Variants in SNRPA1 observed in about 807,000 individuals in gnomAD.
The protein encoded by SNRPA1 is U2 small nuclear ribonucleoprotein A'.
In SNRPA1, 5 loss-of-function variants were observed where a neutral mutation model predicts 32.3. That is an observed-to-expected ratio of 0.15 (90% CI 0.08 to 0.33). The LOEUF is 0.33. Ranked by LOEUF, SNRPA1 falls within the 10% of genes least tolerant of loss-of-function variation. The probability of loss-of-function intolerance (pLI) is 1.00; values close to 1 mark genes in which losing one functional copy is unlikely to be tolerated. For missense variants in SNRPA1, 198 were observed against 311.1 expected, an observed-to-expected ratio of 0.64 and a Z score of 2.74; for synonymous variants, 111 against 120.1, an observed-to-expected ratio of 0.92 and a Z score of 0.50.
At chr15:101,282,094 T>C in intron 8 of SNRPA1, among the ~76,000 whole-genome samples, 1 of 152,260 alleles carries the variant, frequency 6.6e-6, no homozygotes, top group East Asian at 1.9e-4. Context: ...TTCATGGCAC[T>C]ACCGTAGGCA....
At chr15:101,285,847 G>T (rs770426483) in intron 6 of SNRPA1, 46 bp from the exon 7 acceptor site, 2 of 1,464,658 alleles carry the variant, frequency 1.4e-6, no homozygotes, top group East Asian at 4.5e-5. Flanking sequence ...ACCAACAGAA[G>T]TTGCTTCTCT....
intron 3 of SNRPA1, among the ~76,000 whole-genome samples, chr15:101,290,151 T>C (rs2039506105): frequency 6.6e-6 from 1 of 152,128 alleles, no homozygotes. Context: ...CAGAAAGATA[T>C]GAATAATTTA....
intron 3 of SNRPA1, among the ~76,000 whole-genome samples, chr15:101,291,555 A>AGTGTGTATTT (rs2039526691): frequency 6.6e-6 from 1 of 150,986 alleles, no homozygotes. Context: ...TTTGAAATCC[A>AGTGTGTATTT]GTGTGTATTT....
chr15:101,281,893 A>G (rs1323177441), intron 8 of SNRPA1, 111 bp from the exon 9 acceptor site: 1 of 986,108 alleles, frequency 1.0e-6, no homozygotes, highest in Non-Finnish European at 1.6e-6. Flanking sequence ...AGTAGGTACA[A>G]AAAGATCAAA....
rs376062699 is a variant in SNRPA1, at chr15:101,286,204, C to T, written c.539+10G>A. 6.8e-5 allele frequency: 109 copies of T among 1,610,364 alleles called. No individual in the cohort carries two copies. In the African/African-American group the frequency reaches 1.1e-3, roughly 16 times the overall value. ...GTGAAGTAGAGTTAAGTTGGATATC[C>T]GTGTCTTACGTTTTGCTTCTCCTGG... is the stretch of plus-strand genomic sequence containing the variant. On this transcript the variant is annotated intron_variant, in intron 6 of 8. Coordinates refer to ENST00000254193, the MANE Select transcript of SNRPA1 (RefSeq NM_003090.4).
intron 1 of SNRPA1, chr15:101,293,394 C>G (rs940078150): frequency 5.0e-6 from 2 of 398,696 alleles, no homozygotes; most frequent in African/African-American, 4.1e-5. Context: ...AGCTTAGAAT[C>G]TGATGACAAC....
chr15:101,285,624 G>T, intron 7 of SNRPA1, 102 bp downstream of exon 7: 1 of 794,408 alleles, frequency 1.3e-6, no homozygotes, highest in Non-Finnish European at 2.2e-6. Flanking sequence ...AATAACTGTG[G>T]GAAAATGAAA....
chr15:101,291,936 A>G, intron 3 of SNRPA1, 26 bp downstream of exon 3: 3 of 1,515,332 alleles, frequency 2.0e-6, no homozygotes, highest in Non-Finnish European at 2.7e-6. Context: ...CACCCACCAA[A>G]TACATTTTCC....
At chr15:101,283,636 G>A (rs2039421753) in intron 8 of SNRPA1, among the ~76,000 whole-genome samples, 1 of 151,384 alleles carries the variant, frequency 6.6e-6, no homozygotes, top group Non-Finnish European at 1.5e-5. Flanking sequence ...ATACAGTAGA[G>A]AATTACTGGT....
At chr15:101,283,259 C>G (rs1462136660) in intron 8 of SNRPA1, among the ~76,000 whole-genome samples, 1 of 152,178 alleles carries the variant, frequency 6.6e-6, no homozygotes, top group African/African-American at 2.4e-5. Flanking sequence ...TAGATGAAAA[C>G]AGTCTTCGGC....
At chr15:101,291,499 A>C (rs1435072487) in intron 3 of SNRPA1, among the ~76,000 whole-genome samples, 2 of 148,958 alleles carry the variant, frequency 1.3e-5, no homozygotes, top group African/African-American at 2.5e-5. Context: ...TCGATATAAA[A>C]AAATTACTGA....
chr15:101,281,813 T>C (rs755631076), intron 8 of SNRPA1, 31 bp from the exon 9 acceptor site: 1 of 1,606,854 alleles, frequency 6.2e-7, no homozygotes, highest in African/African-American at 1.3e-5. Context: ...AAAAGTAGTA[T>C]CAATTTTAGA....
rs202073254 is a variant in SNRPA1 at position 101,291,971 on chromosome 15, G to C, written c.300C>G (p.Leu100=). 6.8e-6 allele frequency: 11 copies of C among 1,609,176 alleles called. No individual in the cohort carries two copies. The highest frequency in any genetic ancestry group is 1.3e-5 in the African/African-American group (1 of 74,820). ...CTTCTGTGCAACTTACCAGTTCCAC[G>C]AGACTATTATTGGTGAGAATGAGTT... ...LTELILTNNS[L]VELGDLDPLA... is the part of the protein sequence containing the mutation. The change falls in exon 3 of 9, where the codon CTC becomes CTG. Residue 100 remains leucine (L), a synonymous_variant. Transcript: ENST00000254193.
At chr15:101,287,989 A>G in intron 3 of SNRPA1, 2 of 378,532 alleles carry the variant, frequency 5.3e-6, no homozygotes, top group Non-Finnish European at 1.0e-5. Flanking sequence ...ATGATTTGGA[A>G]AAGAAAACAA....
At chr15:101,291,866 C>T (rs964291971) in intron 3 of SNRPA1, 96 bp downstream of exon 3, 4 of 741,438 alleles carry the variant, frequency 5.4e-6, no homozygotes, top group Admixed American at 2.3e-5. Flanking sequence ...AAAGAGGATA[C>T]TGAGATCATT....
intron 3 of SNRPA1, chr15:101,288,378 C>G (rs1422717603): frequency 6.6e-6 from 1 of 151,976 alleles, no homozygotes; most frequent in African/African-American, 2.4e-5. Flanking sequence ...TCCCAAGTAG[C>G]TGGGACTACA....
intron 2 of SNRPA1, 37 bp downstream of exon 2, chr15:101,292,988 C>T (rs762291640): frequency 1.3e-6 from 2 of 1,503,210 alleles, no homozygotes; most frequent in East Asian, 2.4e-5. Flanking sequence ...AACATTTACT[C>T]TAGGGGAAAA....
chr15:101,295,215 C>T lies in SNRPA1; in HGVS notation c.-37G>A. 1 of 1,485,266 alleles carries T rather than the reference C, an allele frequency of 6.7e-7. No homozygotes were observed. The allele number at this position is 1,485,266 out of a possible 1,614,324, so 92.0% of individuals were successfully genotyped here. On this transcript the variant is annotated 5_prime_UTR_variant, in exon 1 of 9. Transcript: ENST00000254193. ...CCGTTCCCCCGCGCTGTGGAAAGCC[C>T]GTGGCCTCCCGCCAGCGAGACGTCC...
At chr15:101,282,551 G>T (rs2039408147) in intron 8 of SNRPA1, among the ~76,000 whole-genome samples, 1 of 152,216 alleles carries the variant, frequency 6.6e-6, no homozygotes, top group Admixed American at 6.5e-5. Flanking sequence ...CTCAAGGTTA[G>T]ATGGCAGTGT....
Sources: gnomAD v4.1 joint callset for allele counts (sites outside exome capture counted in the v4.1 genomes callset) on GRCh38, gnomAD v4.1.1 for gene constraint, MANE v1.5 for transcripts, NCBI Gene and HGNC (gene_info 2026-07-23, HGNC 2026-07-21) for gene names.